The following HS6ST3 variants were observed in gnomAD, a reference collection of about 807,000 sequenced individuals.
HS6ST3 encodes heparan sulfate 6-O-sulfotransferase 3, also known as heparan-sulfate 6-O-sulfotransferase 3.
Under a neutral mutation model 36.7 loss-of-function variants are expected in HS6ST3, and 12 were observed. The observed-to-expected ratio is 0.33, with a 90% CI of 0.21 to 0.53. The LOEUF is 0.53. HS6ST3 is among the 20% of genes least tolerant of loss of function. The pLI, the probability that HS6ST3 is intolerant of heterozygous loss-of-function variation, is 0.95. For synonymous variants in HS6ST3, 240 were observed against 257.5 expected (o/e 0.93, Z 0.65); for missense variants, 584 against 640.9 (o/e 0.91, Z 0.96).
chr13:96,366,526 A>G (rs550651270), intron 1 of HS6ST3, among the ~76,000 whole-genome samples: 9 of 152,284 alleles, frequency 5.9e-5, no homozygotes, highest in African/African-American at 1.7e-4. Context: ...TTCAAGGCCC[A>G]TGCACAGAAA....
At chr13:96,710,082 A>G (rs1191206771) in intron 1 of HS6ST3, among the ~76,000 whole-genome samples, 1 of 152,214 alleles carries the variant, frequency 6.6e-6, no homozygotes, top group African/African-American at 2.4e-5. Flanking sequence ...AAGGTAGATG[A>G]AAAACTGCTG....
chr13:96,563,289 A>G (rs762174032), intron 1 of HS6ST3, among the ~76,000 whole-genome samples: 17 of 152,194 alleles, frequency 1.1e-4, no homozygotes, highest in Non-Finnish European at 2.9e-5. Flanking sequence ...AGTATATCAT[A>G]TCATAAAGGA....
At chr13:96,821,055 C>T (rs1313724934) in intron 1 of HS6ST3, among the ~76,000 whole-genome samples, 11 of 152,352 alleles carry the variant, frequency 7.2e-5, no homozygotes, top group Non-Finnish European at 4.4e-5. Context: ...AATGCAACTG[C>T]AATAATTCTC....
chr13:96,281,043 T>C (rs1441518368), intron 1 of HS6ST3, among the ~76,000 whole-genome samples: 1 of 152,150 alleles, frequency 6.6e-6, no homozygotes, highest in African/African-American at 2.4e-5. Flanking sequence ...AGTCTCGCTC[T>C]ATCACTAGGC....
intron 1 of HS6ST3, among the ~76,000 whole-genome samples, chr13:96,144,542 C>T (rs539438271): frequency 7.0e-4 from 106 of 152,062 alleles, no homozygotes; most frequent in African/African-American, 2.4e-3. Flanking sequence ...TGTTCACTAT[C>T]AAATAATCAT....
At chr13:96,613,127 G>A (rs1178441062) in intron 1 of HS6ST3, among the ~76,000 whole-genome samples, 6 of 152,072 alleles carry the variant, frequency 3.9e-5, no homozygotes, top group Admixed American at 3.3e-4. Context: ...TACTTTCTTC[G>A]TGTTTATCAC....
At chr13:96,197,829 G>A (rs1415671159) in intron 1 of HS6ST3, among the ~76,000 whole-genome samples, 3 of 152,138 alleles carry the variant, frequency 2.0e-5, no homozygotes, top group Non-Finnish European at 4.4e-5. Flanking sequence ...GCTTTTCCAG[G>A]TGCGTGGTGG....
At chr13:96,477,138 A>G (rs767109818) in intron 1 of HS6ST3, among the ~76,000 whole-genome samples, 34 of 152,068 alleles carry the variant, frequency 2.2e-4, no homozygotes, top group Non-Finnish European at 3.7e-4. Context: ...TCTCCCCATC[A>G]CCGAAATTAC....
chr13:96,407,625 AC>A (rs1472115233), intron 1 of HS6ST3, among the ~76,000 whole-genome samples: 1 of 152,190 alleles, frequency 6.6e-6, no homozygotes, highest in African/African-American at 2.4e-5. Context: ...GATTTTGATA[AC>A]CTAGCAAGAT....
intron 1 of HS6ST3, among the ~76,000 whole-genome samples, chr13:96,709,094 C>T (rs980277): frequency 0.75 from 113,828 of 152,042 alleles, 43,735 homozygotes; most frequent in African/African-American, 0.93. Flanking sequence ...GTTTCTCCCA[C>T]GCTGTCTTGT....
chr13:96,377,070 A>G (rs954558303), intron 1 of HS6ST3, among the ~76,000 whole-genome samples: 59 of 147,266 alleles, frequency 4.0e-4, no homozygotes, highest in African/African-American at 1.4e-3. Flanking sequence ...TATTTTATAT[A>G]TATATATAAT....
intron 1 of HS6ST3, among the ~76,000 whole-genome samples, chr13:96,313,662 T>C (rs565873591): frequency 3.3e-5 from 5 of 152,358 alleles, no homozygotes; most frequent in African/African-American, 1.2e-4. Flanking sequence ...TCAGATATTC[T>C]GTTCCTCACT....
intron 1 of HS6ST3, among the ~76,000 whole-genome samples, chr13:96,540,175 C>G (rs1394181840): frequency 1.3e-5 from 2 of 152,220 alleles, no homozygotes; most frequent in Non-Finnish European, 2.9e-5. Context: ...GCATGGTGAG[C>G]ACTGCTCTAC....
intron 1 of HS6ST3, among the ~76,000 whole-genome samples, chr13:96,241,964 T>G (rs1459182690): frequency 6.6e-6 from 1 of 151,708 alleles, no homozygotes; most frequent in Non-Finnish European, 1.5e-5. Context: ...TTTTTGTATT[T>G]TTAGCAGAGA....
At position 96,153,561 on chromosome 13, in the gene HS6ST3, T is replaced by G. The variant is rs77467273; in HGVS notation, c.707+61992T>G. Among the ~76,000 whole-genome samples the G allele has an allele frequency of 1.8e-4, 28 of 152,274 alleles. No homozygotes were observed. The East Asian group carries it at 5.4e-3, about 29-fold the overall frequency. The stretch of plus-strand genomic sequence containing the variant: ...GAAAATGGTTAGAAGATGTGGCCGT[T>G]GGATCAATTTCCAGGACACATAGTT... On this transcript the variant is annotated intron_variant, in intron 1 of 1. Coordinates refer to ENST00000376705, the MANE Select transcript of HS6ST3 (RefSeq NM_153456.4).
rs913127486 is a variant in HS6ST3 at position 96,834,473 on chromosome 13, G to A, written c.*1275G>A. 3 of 152,172 alleles carry A rather than the reference G, an allele frequency of 2.0e-5. No individual in the cohort carries two copies. The highest frequency in any genetic ancestry group is 4.4e-5 in the Non-Finnish European group (3 of 68,040). The allele number at this position is 152,172 out of a possible 1,614,324, so 9.4% of individuals were successfully genotyped here. A position where few individuals can be genotyped will look rare whatever the true frequency, so the allele number is the denominator to read the frequency against. ...GTGTCTCAAACTGGACAAGAAATGT[G>A]CTGCATTGCCGAGTTCTTATTTTCA... On this transcript the variant is annotated 3_prime_UTR_variant, in exon 2 of 2. Coordinates refer to ENST00000376705, the MANE Select transcript of HS6ST3 (RefSeq NM_153456.4).
intron 1 of HS6ST3, among the ~76,000 whole-genome samples, chr13:96,220,072 C>T (rs1375892822): frequency 6.6e-6 from 1 of 152,166 alleles, no homozygotes; most frequent in Non-Finnish European, 1.5e-5. Flanking sequence ...CTCCTATGTA[C>T]CAGGCGGTTT....
rs369411260 is a variant in HS6ST3 at position 96,372,487 on chromosome 13, G to A, written c.707+280918G>A. On this transcript the variant is annotated intron_variant, in intron 1 of 1. Coordinates refer to ENST00000376705, the MANE Select transcript of HS6ST3 (RefSeq NM_153456.4). ...CTGTATAGGAAATTTTTAGTTTGAT[G>A]TAGTCCCATTTGTTTCTTTTTGCTT... Among the ~76,000 whole-genome samples the A allele has an allele frequency of 3.9e-5, 6 of 152,168 alleles. No individual in the cohort carries two copies. In the South Asian group the frequency reaches 6.2e-4, roughly 16 times the overall value.
intron 1 of HS6ST3, among the ~76,000 whole-genome samples, chr13:96,590,814 A>G (rs1358033030): frequency 6.6e-6 from 1 of 152,086 alleles, no homozygotes; most frequent in African/African-American, 2.4e-5. Flanking sequence ...TAGCAGTTTC[A>G]TAGTTTGAAG....
Sources: gnomAD v4.1 joint callset for allele counts (sites outside exome capture counted in the v4.1 genomes callset) on GRCh38, gnomAD v4.1.1 for gene constraint, MANE v1.5 for transcripts, NCBI Gene and HGNC (gene_info 2026-07-23, HGNC 2026-07-21) for gene names.